Variants in ZNF426 observed in about 807,000 individuals in gnomAD.
The protein encoded by ZNF426 is CTC-543D15.7.
A neutral mutation model predicts 24.0 loss-of-function variants in ZNF426; 23 were observed. That is an observed-to-expected ratio of 0.96 (90% CI 0.69 to 1.36). ZNF426 has a LOEUF of 1.36. Ranked by LOEUF, ZNF426 falls within the 40% of genes most tolerant of loss-of-function variation. The pLI, the probability that ZNF426 is intolerant of heterozygous loss-of-function variation, is 0.00. For missense variants in ZNF426, 646 were observed against 658.4 expected (o/e 0.98, Z 0.21); for synonymous variants, 272 against 224.6 (o/e 1.21, Z -1.89).
In ZNF426 at chr19:9,529,451, C is replaced by T; in HGVS notation, c.594G>A (p.Glu198=). 1 of 1,613,978 alleles carries T rather than the reference C, an allele frequency of 6.2e-7. No individual in the cohort carries two copies. The highest frequency in any genetic ancestry group is 2.2e-5 in the East Asian group (1 of 44,874). The stretch of plus-strand genomic sequence containing the variant: ...TGAAGATTTTTTCACTCTGATTAAA[C>T]TCAGAAAGTTTCTCACCAGTAGAGG... The part of the protein sequence containing the change: ...EKTSTGEKLS[E]FNQSEKIFSL... Residue 198 remains glutamate (E), a synonymous_variant, in exon 8 of 8, where the codon GAG becomes GAA. Transcript: ENST00000253115.
chr19:9,529,626 T>G lies in ZNF426; in HGVS notation c.419A>C (p.His140Pro). ...ACAGTCACAGAGTTCCCTTCCATTG[T>G]GTTTTCCTTCCTGTTGAAGGGATGA... ...TSIGIQLEGK[H>P]NGRELCDCEQ... Residue 140 changes from histidine (H) to proline (P), a missense_variant, in exon 8 of 8, where the codon CAC (histidine) becomes CCC (proline). Coordinates refer to ENST00000253115, the MANE Select transcript of ZNF426 (RefSeq NM_024106.3). 1.3e-6 allele frequency: 2 copies of G among 1,590,128 alleles called. No homozygotes were observed. Among genetic ancestry groups the G allele is most frequent in the Non-Finnish European group, 1.7e-6 (2 of 1,174,970 alleles).
At position 9,532,928 on chromosome 19, in the gene ZNF426, G is replaced by A; in HGVS notation, c.245-3C>T. The A allele has an allele frequency of 5.6e-6, 9 of 1,611,008 alleles. No homozygotes were observed. The highest frequency in any genetic ancestry group is 7.6e-6 in the Non-Finnish European group (9 of 1,177,606). The stretch of plus-strand genomic sequence containing the variant: ...ACTGGGTTTGATGATCTGACCTCCT[G>A]AGCACAGAGAAATACATTAATGGAA... On this transcript the variant is annotated splice_polypyrimidine_tract_variant and splice_region_variant and intron_variant, in intron 5 of 7. Coordinates refer to ENST00000253115, the MANE Select transcript of ZNF426 (RefSeq NM_024106.3).
chr19:9,535,345 G>A (rs2144777919), intron 3 of ZNF426, 66 bp from the exon 4 acceptor site: 1 of 1,133,260 alleles, frequency 8.8e-7, no homozygotes, highest in South Asian at 1.3e-5. Context: ...CTACCTAGAG[G>A]TCATTACCTC....
At position 9,528,996 on chromosome 19, in the gene ZNF426, C is replaced by T. The variant is rs1568482291; in HGVS notation, c.1049G>A (p.Gly350Asp). The change falls in exon 8 of 8, where the codon GGC becomes GAC. Residue 350 changes from glycine (G) to aspartate (D), a missense_variant. Transcript: ENST00000253115. The stretch of plus-strand genomic sequence containing the variant: ...GTGAGATCGTACATGCATACTAAGG[C>T]CCGAGTACTGAGTGAAGGCTTTCCC... ...ECGKAFTQYS[G>D]LSMHVRSHSG... The T allele has an allele frequency of 6.2e-7, 1 of 1,612,776 alleles. No homozygotes were observed. The highest frequency in any genetic ancestry group is 8.5e-7 in the Non-Finnish European group (1 of 1,179,612).
At chr19:9,537,510 A>C (rs1461438595) in intron 2 of ZNF426, among the ~76,000 whole-genome samples, 23 of 135,800 alleles carry the variant, frequency 1.7e-4, no homozygotes, top group Non-Finnish European at 2.0e-4. Context: ...GGCTGGTCTT[A>C]AACTCCTGGG....
At chr19:9,537,143 T>A (rs535932781) in intron 2 of ZNF426, among the ~76,000 whole-genome samples, 6,842 of 150,584 alleles carry the variant, frequency 0.045, 513 homozygotes, top group African/African-American at 0.16. Context: ...AAAAAAATAA[T>A]AATAATAATA....
chr19:9,533,972 G>A lies in ZNF426; in HGVS notation c.118-6C>T, dbSNP rs773454751. On this transcript the variant is annotated splice_polypyrimidine_tract_variant and splice_region_variant and intron_variant, in intron 4 of 7. Coordinates refer to ENST00000253115, the MANE Select transcript of ZNF426 (RefSeq NM_024106.3). ...TCGTCAAAGGTCACTGAATCCTAAA[G>A]CATCACACACATGCTGGTTGGAGCC... is the stretch of plus-strand genomic sequence containing the variant. 3.3e-5 allele frequency: 53 copies of A among 1,612,100 alleles called. No homozygotes were observed. The highest frequency in any genetic ancestry group is 4.4e-5 in the Non-Finnish European group (52 of 1,179,330).
rs753382186 is a variant in ZNF426 at position 9,528,642 on chromosome 19, C to T, written c.1403G>A (p.Arg468Gln). Residue 468 changes from arginine (R) to glutamine (Q), a missense_variant, in exon 8 of 8, where the codon CGA becomes CAA. Arg to Gln is a conservative substitution (Grantham distance 43). Coordinates refer to ENST00000253115, the MANE Select transcript of ZNF426 (RefSeq NM_024106.3). The stretch of plus-strand genomic sequence containing the variant: ...ATAGGGTTTTTCTCCAGTGTGGATT[C>T]GCATGTGAATTTTAAGGTGGGTGGA... ...NYSTHLKIHM[R>Q]IHTGEKPYEC... 25 of 1,613,964 alleles carry T rather than the reference C, an allele frequency of 1.5e-5. No individual in the cohort carries two copies. The highest frequency in any genetic ancestry group is 2.2e-5 in the East Asian group (1 of 44,878).
chr19:9,532,767 T>A lies in ZNF426; in HGVS notation c.325+78A>T, dbSNP rs557436808. 4 of 1,055,406 alleles carry A rather than the reference T, an allele frequency of 3.8e-6. No individual in the cohort carries two copies. The South Asian group carries it at 4.1e-5, about 11-fold the overall frequency. 65.4% of individuals were successfully genotyped at this position (1,055,406 alleles called of 1,614,324 possible). A position where few individuals can be genotyped will look rare whatever the true frequency, so the allele number is the denominator to read the frequency against. On this transcript the variant is annotated intron_variant, in intron 6 of 7. Transcript: ENST00000253115. ...GTTTAGAGTGCAGGGAGAAAGTACA[T>A]GTTAAAAAGTTTCCTAATTATGCTT...
In ZNF426 at chr19:9,528,755, C is replaced by T. The variant is rs147858637; in HGVS notation, c.1290G>A (p.Gly430=). 5.6e-5 allele frequency: 91 copies of T among 1,613,888 alleles called. No homozygotes were observed. The African/African-American group carries it at 9.5e-4, about 17-fold the overall frequency. The stretch of plus-strand genomic sequence containing the variant: ...TGTGATTATTAAGACATGAGGGATA[C>T]CCAAATACTTTCCCACATATCTTAC... ...CECKICGKVF[G]YPSCLNNHMR... The change falls in exon 8 of 8, where the codon GGG becomes GGA. Residue 430 remains glycine, a synonymous_variant. Coordinates refer to ENST00000253115, the MANE Select transcript of ZNF426 (RefSeq NM_024106.3).
At chr19:9,533,193 C>T (rs2073913174) in intron 5 of ZNF426, among the ~76,000 whole-genome samples, 1 of 152,108 alleles carries the variant, frequency 6.6e-6, no homozygotes, top group Admixed American at 6.5e-5. Context: ...TGCCTGTAAT[C>T]CCAGCACTTT....
chr19:9,528,944 C>T lies in ZNF426; in HGVS notation c.1101G>A (p.Lys367=), dbSNP rs1430028741. ...ATGTAAGGAAGGATTTCCCACATTC[C>T]TTACATTCATAGGGCTTGTCTCCAC... The part of the protein sequence containing the change: ...SHSGDKPYEC[K]ECGKSFLTSS... Residue 367 remains lysine, a synonymous_variant, in exon 8 of 8, where the codon AAG becomes AAA. Transcript: ENST00000253115. The T allele has an allele frequency of 1.2e-6, 2 of 1,613,892 alleles. No individual in the cohort carries two copies. The highest frequency in any genetic ancestry group is 3.3e-5 in the Admixed American group (2 of 60,004).
In ZNF426 at chr19:9,527,142, T is replaced by C. The variant is rs1024849910; in HGVS notation, c.*1238A>G. 2.6e-5 allele frequency: 4 copies of C among 152,162 alleles called. No homozygotes were observed. Among genetic ancestry groups the C allele is most frequent in the South Asian group, 2.1e-4 (1 of 4,828 alleles). 9.4% of individuals were successfully genotyped at this position (152,162 alleles called of 1,614,324 possible). A position where few individuals can be genotyped will look rare whatever the true frequency, so the allele number is the denominator to read the frequency against. ...AGTATTATCAGAATTCATGTACTTA[T>C]TATGGCATGTGAAATATTTAAAGGT... is the stretch of plus-strand genomic sequence containing the variant. On this transcript the variant is annotated 3_prime_UTR_variant, in exon 8 of 8. Coordinates refer to ENST00000253115, the MANE Select transcript of ZNF426 (RefSeq NM_024106.3).
Position 9,532,870 on chromosome 19 carries a change from C to T in ZNF426, c.300G>A (p.Arg100=), listed in dbSNP as rs1030080096. The T allele has an allele frequency of 8.7e-6, 14 of 1,614,052 alleles. No homozygotes were observed. The highest frequency in any genetic ancestry group is 6.7e-5 in the Admixed American group (4 of 60,026). ...CTTGGAGAACTCCTCCCTGAACTGT[C>T]CTTGACTCTTCTTGTTCCAACCAAG... is the stretch of plus-strand genomic sequence containing the variant. ...LISWLEQEES[R]TVQGGVLQGW... Residue 100 remains arginine, a synonymous_variant, in exon 6 of 8, where the codon AGG becomes AGA. Transcript: ENST00000253115.
Position 9,528,387 on chromosome 19 carries a change from AT to A in ZNF426, c.1657del (p.Ile553PhefsTer9). On this transcript the variant is annotated frameshift_variant, in exon 8 of 8. Transcript: ENST00000253115. LOFTEE classifies it high-confidence loss of function. ...TACATGGACAGTTTCTCACTAGTGAATTTGTTCATGTCTTCGAAGTGAACGG... is the reference window on the plus strand; with the variant it reads ...TACATGGACAGTTTCTCACTAGTGAATTGTTCATGTCTTCGAAGTGAACGG... ...HPRSLRRHEQIH is the reference protein window; with the variant it reads ...HPRSLRRHEQXH 1.9e-6 allele frequency: 3 copies of A among 1,572,402 alleles called. No individual in the cohort carries two copies. The highest frequency in any genetic ancestry group is 2.6e-6 in the Non-Finnish European group (3 of 1,161,786).
At chr19:9,532,649 C>T (rs2073904235) in intron 6 of ZNF426, among the ~76,000 whole-genome samples, 196 bp downstream of exon 6, 1 of 152,010 alleles carries the variant, frequency 6.6e-6, no homozygotes, top group Non-Finnish European at 1.5e-5. Flanking sequence ...TAACTGAAAC[C>T]GTGAAAAGTG....
At chr19:9,537,612 T>C (rs906039251) in intron 2 of ZNF426, among the ~76,000 whole-genome samples, 1 of 151,472 alleles carries the variant, frequency 6.6e-6, no homozygotes, top group Non-Finnish European at 1.5e-5. Context: ...TTTTCATTGA[T>C]ATACAATCAA....
rs1185034811 is a variant in ZNF426 at position 9,525,537 on chromosome 19, A to C, written c.*2843T>G. Reference sequence around the variant, plus strand: ...AGTCTCACTCTGTCACCCAGGCTGGAGTGCAGTGGCGTGATCTCGGCTCAC... The same window carrying C: ...AGTCTCACTCTGTCACCCAGGCTGGCGTGCAGTGGCGTGATCTCGGCTCAC... On this transcript the variant is annotated 3_prime_UTR_variant, in exon 8 of 8. Transcript: ENST00000253115. The C allele has an allele frequency of 6.6e-6, 1 of 151,978 alleles. No individual in the cohort carries two copies. Among genetic ancestry groups the C allele is most frequent in the African/African-American group, 2.4e-5 (1 of 41,336 alleles). The allele number at this position is 151,978 out of a possible 1,614,324, so 9.4% of individuals were successfully genotyped here.
In ZNF426 at chr19:9,528,665, G is replaced by A. The variant is rs201821474; in HGVS notation, c.1380C>T (p.Ser460=). The A allele has an allele frequency of 2.4e-5, 38 of 1,613,908 alleles. No individual in the cohort carries two copies. In the Middle Eastern group the frequency reaches 8.2e-4, roughly 35 times the overall value. ...TTCGCATGTGAATTTTAAGGTGGGTGGAATAGTTAAAAGCCTTCCCACATT... is the reference window on the plus strand; with the variant it reads ...TTCGCATGTGAATTTTAAGGTGGGTAGAATAGTTAAAAGCCTTCCCACATT... ...CKECGKAFNY[S]THLKIHMRIH... Residue 460 remains serine (S), a synonymous_variant, in exon 8 of 8, where the codon TCC becomes TCT. Coordinates refer to ENST00000253115, the MANE Select transcript of ZNF426 (RefSeq NM_024106.3).
Sources: gnomAD v4.1 joint callset for allele counts (sites outside exome capture counted in the v4.1 genomes callset) on GRCh38, gnomAD v4.1.1 for gene constraint, MANE v1.5 for transcripts, NCBI Gene and HGNC (gene_info 2026-07-23, HGNC 2026-07-21) for gene names.